UNC50: variants seen among roughly 807,000 people sequenced by gnomAD.
UNC50 encodes unc-50 inner nuclear membrane RNA binding protein, also known as protein unc-50 homolog.
A neutral mutation model predicts 31.5 loss-of-function variants in UNC50; 24 were observed. That is an observed-to-expected ratio of 0.76 (90% confidence interval 0.55 to 1.07). UNC50 has a LOEUF of 1.07. Among genes scored for constraint, UNC50 ranks in the 50% least tolerant of loss-of-function variants. The pLI is 0.00. For missense variants in UNC50, 245 were observed against 304.2 expected, an observed-to-expected ratio of 0.81 and a Z score of 1.45; for synonymous variants, 118 against 114.7, an observed-to-expected ratio of 1.03 and a Z score of -0.18.
At chr2:98,617,158 TTTATG>T (rs1394984948) in intron 5 of UNC50, among the ~76,000 whole-genome samples, 8 of 152,352 alleles carry the variant, frequency 5.3e-5, no homozygotes, top group South Asian at 2.1e-4. Context: ...TTATTTTTCA[TTTATG>T]TTAAGAAATG....
At position 98,618,119 on chromosome 2, in the gene UNC50, ATTTATT is replaced by A; in HGVS notation, c.644-45_644-40del. 5 of 1,265,918 alleles carry A rather than the reference ATTTATT, an allele frequency of 3.9e-6. No individual in the cohort carries two copies. The African/African-American group carries it at 6.0e-5, about 15-fold the overall frequency. 78.4% of individuals were successfully genotyped at this position (1,265,918 alleles called of 1,614,324 possible). ...CTTTCAAAATGTTCATTTATTAGTC[ATTTATT>A]TTTTTTTTTTTTTAAATCAGTTTGG... On this transcript the variant is annotated intron_variant, in intron 5 of 5. Coordinates refer to ENST00000357765, the MANE Select transcript of UNC50 (RefSeq NM_014044.7).
intron 3 of UNC50, among the ~76,000 whole-genome samples, chr2:98,613,158 C>G (rs1700864106): frequency 6.6e-6 from 1 of 152,130 alleles, no homozygotes; most frequent in South Asian, 2.1e-4. Flanking sequence ...TAAATGCTGT[C>G]CACTGTTAAT....
At chr2:98,610,280 C>CT (rs1464646156) in intron 2 of UNC50, among the ~76,000 whole-genome samples, 1 of 152,166 alleles carries the variant, frequency 6.6e-6, no homozygotes, top group East Asian at 1.9e-4. Context: ...CACTCCATAT[C>CT]TTTTTAAGTA....
At chr2:98,616,094 GTTTT>G (rs1187546987) in intron 3 of UNC50, 109 bp from the exon 4 acceptor site, 1 of 1,070,442 alleles carries the variant, frequency 9.3e-7, no homozygotes, top group African/African-American at 1.6e-5. Flanking sequence ...ATTTTTGTCT[GTTTT>G]GTTTACTGGT....
At chr2:98,618,011 A>C in intron 5 of UNC50, 157 bp from the exon 6 acceptor site, 1 of 750,116 alleles carries the variant, frequency 1.3e-6, no homozygotes, top group Non-Finnish European at 2.0e-6. Context: ...TGGGAAGAGT[A>C]GTCTAGTTCT....
intron 2 of UNC50, among the ~76,000 whole-genome samples, chr2:98,610,523 G>A (rs1258188555): frequency 2.0e-5 from 3 of 152,212 alleles, no homozygotes; most frequent in Non-Finnish European, 4.4e-5. Context: ...AACTATGTTA[G>A]TGCCTTCTCT....
At chr2:98,616,959 CTG>C (rs1559149487) in intron 5 of UNC50, among the ~76,000 whole-genome samples, 2 of 152,164 alleles carry the variant, frequency 1.3e-5, no homozygotes, top group African/African-American at 4.8e-5. Flanking sequence ...GGTCTATGAA[CTG>C]AAGTTCTCTA....
At chr2:98,609,514 T>C in intron 1 of UNC50, 1 of 585,640 alleles carries the variant, frequency 1.7e-6, no homozygotes, top group East Asian at 2.9e-5. Context: ...TGCCCCTGGA[T>C]AAGTGTTATT....
rs776246636 is a variant in UNC50 at position 98,609,841 on chromosome 2, G to C, written c.82G>C (p.Gly28Arg). 1.2e-6 allele frequency: 2 copies of C among 1,614,102 alleles called. No individual in the cohort carries two copies. The highest frequency in any genetic ancestry group is 2.2e-5 in the South Asian group (2 of 91,088). ...NSRDAARHTA[G>R]AKRYKYLRRL... ...CAGGGATGCGGCAAGACACACAGCC[G>C]GAGCGAAACGCTACAAATATCTGAG... The change falls in exon 2 of 6, where the codon GGA becomes CGA. Residue 28 changes from glycine (G) to arginine (R), a missense_variant. Gly to Arg is a moderately radical substitution (Grantham distance 125). Transcript: ENST00000357765.
At chr2:98,611,273 A>G (rs977533835) in intron 3 of UNC50, among the ~76,000 whole-genome samples, 1 of 152,214 alleles carries the variant, frequency 6.6e-6, no homozygotes, top group African/African-American at 2.4e-5. Flanking sequence ...TATACATTTT[A>G]GGGAGACTTG....
In UNC50 at chr2:98,618,215, C is replaced by T. The variant is rs1575233540; in HGVS notation, c.691C>T (p.Pro231Ser). The T allele has an allele frequency of 1.9e-6, 3 of 1,611,568 alleles. No homozygotes were observed. In the East Asian group the frequency reaches 6.7e-5, roughly 36 times the overall value. ...NTVILLYPFA[P>S]LILLYGLSLA... Reference sequence around the variant, plus strand: ...AGTAATTCTTCTGTATCCATTTGCACCTCTGATTCTGCTCTACGGGCTTTC... The same window carrying T: ...AGTAATTCTTCTGTATCCATTTGCATCTCTGATTCTGCTCTACGGGCTTTC... The change falls in exon 6 of 6, where the codon CCT becomes TCT. Residue 231 changes from proline (P) to serine (S), a missense_variant. Coordinates refer to ENST00000357765, the MANE Select transcript of UNC50 (RefSeq NM_014044.7).
At chr2:98,613,214 C>T (rs796207150) in intron 3 of UNC50, among the ~76,000 whole-genome samples, 13 of 152,206 alleles carry the variant, frequency 8.5e-5, no homozygotes, top group African/African-American at 3.1e-4. Context: ...ATGTAAGTCA[C>T]GTATTCATTA....
At chr2:98,612,170 A>G (rs1421192709) in intron 3 of UNC50, among the ~76,000 whole-genome samples, 3 of 152,194 alleles carry the variant, frequency 2.0e-5, no homozygotes, top group Admixed American at 6.5e-5. Context: ...TTGGGTAGAC[A>G]TGGTGGTCAT....
intron 3 of UNC50, among the ~76,000 whole-genome samples, chr2:98,614,269 G>T (rs1244424113): frequency 6.6e-6 from 1 of 152,180 alleles, no homozygotes; most frequent in Non-Finnish European, 1.5e-5. Flanking sequence ...GGTGGTGATA[G>T]GAATAGAGAG....
chr2:98,613,800 G>A (rs762892518), intron 3 of UNC50, among the ~76,000 whole-genome samples: 15 of 152,222 alleles, frequency 9.9e-5, no homozygotes, highest in Non-Finnish European at 2.2e-4. Flanking sequence ...GTATTTTTGA[G>A]AACCTATGTT....
Position 98,609,765 on chromosome 2 carries a change from A to G in UNC50, c.6A>G (p.Leu2=), listed in dbSNP as rs760268628. The change falls in exon 2 of 6, where the codon TTA becomes TTG. Residue 2 remains leucine (L), a synonymous_variant. Coordinates refer to ENST00000357765, the MANE Select transcript of UNC50 (RefSeq NM_014044.7). The part of the protein sequence containing the change: M[L]PSTSVNSLVQ... The stretch of plus-strand genomic sequence containing the variant: ...TTTTTCTTCCATCTAGGAAGATGTT[A>G]CCGAGTACTTCAGTGAATTCCTTAG... 6.2e-7 allele frequency: 1 copy of G among 1,614,146 alleles called. No individual in the cohort carries two copies. Among genetic ancestry groups the G allele is most frequent in the Non-Finnish European group, 8.5e-7 (1 of 1,180,054 alleles).
chr2:98,618,302 T>A lies in UNC50; in HGVS notation c.778T>A (p.Ter260LysextTer17). The change falls in exon 6 of 6, where the codon TAA becomes AAA. Residue 260 changes from the stop codon to lysine, a stop_lost. Coordinates refer to ENST00000357765, the MANE Select transcript of UNC50 (RefSeq NM_014044.7). ...TTCTTTCTATAAGTACAGAGTGAAA[T>A]AAAAAGTGAGAAGAAGATTCAATCG... ...LCSFYKYRVK[*>K] 6.3e-7 allele frequency: 1 copy of A among 1,588,738 alleles called. No individual in the cohort carries two copies. The highest frequency in any genetic ancestry group is 8.5e-7 in the Non-Finnish European group (1 of 1,172,824).
chr2:98,617,820 T>A lies in UNC50; in HGVS notation c.644-348T>A, dbSNP rs144283291. On this transcript the variant is annotated intron_variant, in intron 5 of 5. Transcript: ENST00000357765. ...GTACTTTAAGTTGGACTCCTAGAGG[T>A]TTCTGAGGCAGTCACAAGTTTAAAT... Among the ~76,000 whole-genome samples the A allele has an allele frequency of 3.2e-3, 493 of 152,312 alleles. 4 individuals carry two copies. Among genetic ancestry groups the A allele is most frequent in the Admixed American group, 6.7e-3 (103 of 15,302 alleles).
intron 3 of UNC50, among the ~76,000 whole-genome samples, chr2:98,614,733 G>A (rs76429632): frequency 1.5e-4 from 23 of 152,308 alleles, no homozygotes; most frequent in Non-Finnish European, 1.5e-5. Flanking sequence ...GCTACATACT[G>A]ATTCCATAAA....
Sources: gnomAD v4.1 joint callset for allele counts (sites outside exome capture counted in the v4.1 genomes callset) on GRCh38, gnomAD v4.1.1 for gene constraint, MANE v1.5 for transcripts, NCBI Gene and HGNC (gene_info 2026-07-23, HGNC 2026-07-21) for gene names.